The following BAZ2B variants were observed in gnomAD, a reference collection of about 807,000 sequenced individuals.
BAZ2B encodes bromodomain adjacent to zinc finger domain 2B, also known as bromodomain adjacent to zinc finger domain protein 2B.
In BAZ2B, 91 loss-of-function variants were observed where a neutral mutation model predicts 246.0. The observed-to-expected ratio is 0.37, with a 90% CI of 0.31 to 0.44. The LOEUF is 0.44. Among genes scored for constraint, BAZ2B ranks in the 20% least tolerant of loss-of-function variants. BAZ2B has a pLI of 1.00. For synonymous variants in BAZ2B, 855 were observed against 860.0 expected, an observed-to-expected ratio of 0.99 and a Z score of 0.10; for missense variants, 2,332 against 2,533.7, an observed-to-expected ratio of 0.92 and a Z score of 1.71.
At chr2:159,681,900 G>A in the BAZ2B span, among the ~76,000 whole-genome samples, 1 of 152,124 alleles carries the variant, frequency 6.6e-6, no homozygotes, top group South Asian at 2.1e-4. Flanking sequence ...ACTCCTGCCT[G>A]GGCAACAGAG....
In BAZ2B at chr2:159,523,790, A is replaced by T. The variant is rs143257771; in HGVS notation, c.-3+32033T>A. ...GTACATTAAAGTTTAGGAAGCCCTG[A>T]TCTAGTACCTAACAATTTATACACC... On this transcript the variant is annotated intron_variant, in intron 2 of 36. Transcript: ENST00000392783. Among the ~76,000 whole-genome samples, 206 of 152,316 alleles carry T rather than the reference A, an allele frequency of 1.4e-3. 1 individual carries two copies. In the Middle Eastern group the frequency reaches 0.014, roughly 10 times the overall value.
chr2:159,337,728 T>C lies in BAZ2B; in HGVS notation c.5499A>G (p.Val1833=). 6.2e-7 allele frequency: 1 copy of C among 1,614,194 alleles called. No individual in the cohort carries two copies. The highest frequency in any genetic ancestry group is 1.1e-5 in the South Asian group (1 of 91,086). Residue 1833 remains valine (V), a synonymous_variant, in exon 32 of 37, where the codon GTA becomes GTG. Transcript: ENST00000392783. ...PEPASEREDL[V]YFEHKSFTKL... ...TAGTAAATGATTTATGTTCAAAATA[T>C]ACCAAGTCCTCCCTTTCTGATGCAG...
At chr2:159,514,352 T>C (rs2083232088) in intron 2 of BAZ2B, among the ~76,000 whole-genome samples, 1 of 152,150 alleles carries the variant, frequency 6.6e-6, no homozygotes, top group Admixed American at 6.5e-5. Context: ...TGACCTATAT[T>C]TTATCAGTTA....
chr2:159,423,176 C>T (rs907423389), intron 13 of BAZ2B, among the ~76,000 whole-genome samples: 1 of 151,876 alleles, frequency 6.6e-6, no homozygotes. Context: ...ATTAGCTGGG[C>T]GCGGTGGCAG....
At chr2:159,579,188 A>G (rs1686100905) in intron 1 of BAZ2B, among the ~76,000 whole-genome samples, 1 of 150,744 alleles carries the variant, frequency 6.6e-6, no homozygotes, top group Admixed American at 6.6e-5. Context: ...AAGACTAATA[A>G]AGAAGAAAAG....
chr2:159,581,229 A>C (rs1209305349), intron 1 of BAZ2B, among the ~76,000 whole-genome samples: 1 of 152,054 alleles, frequency 6.6e-6, no homozygotes, highest in Non-Finnish European at 1.5e-5. Context: ...AAGAAAAAAA[A>C]AATCAAACCA....
intron 2 of BAZ2B, among the ~76,000 whole-genome samples, chr2:159,544,807 C>G (rs1302400377): frequency 6.6e-6 from 1 of 152,120 alleles, no homozygotes; most frequent in African/African-American, 2.4e-5. Flanking sequence ...ACAAAATCGT[C>G]AGTATATTTG....
At chr2:159,451,232 T>C (rs2075052887) in intron 4 of BAZ2B, among the ~76,000 whole-genome samples, 1 of 152,088 alleles carries the variant, frequency 6.6e-6, no homozygotes, top group East Asian at 1.9e-4. Flanking sequence ...AAATACTATT[T>C]CAATATAAAA....
the BAZ2B span, among the ~76,000 whole-genome samples, chr2:159,708,516 T>C: frequency 1.3e-5 from 2 of 152,118 alleles, no homozygotes; most frequent in South Asian, 2.1e-4. Flanking sequence ...GGTTTCAAGA[T>C]GGTATTCTCT....
At chr2:159,348,461 T>C (rs1322195311) in intron 30 of BAZ2B, among the ~76,000 whole-genome samples, 2 of 151,960 alleles carry the variant, frequency 1.3e-5, no homozygotes, top group African/African-American at 2.4e-5. Flanking sequence ...TTATACTATA[T>C]ATTATTTAGG....
chr2:159,423,708 C>T (rs1576857471), intron 13 of BAZ2B, among the ~76,000 whole-genome samples: 1 of 152,194 alleles, frequency 6.6e-6, no homozygotes, highest in Non-Finnish European at 1.5e-5. Flanking sequence ...ATATCTTATC[C>T]TTTGTAACAA....
At chr2:159,450,892 ACCATG>A (rs887322313) in intron 4 of BAZ2B, among the ~76,000 whole-genome samples, 5 of 152,044 alleles carry the variant, frequency 3.3e-5, no homozygotes, top group African/African-American at 1.2e-4. Context: ...GGCATGCACA[ACCATG>A]CCTGGCTAAT....
At chr2:159,581,190 G>C (rs1175975205) in intron 1 of BAZ2B, among the ~76,000 whole-genome samples, 1 of 151,722 alleles carries the variant, frequency 6.6e-6, no homozygotes, top group Non-Finnish European at 1.5e-5. Context: ...CTAATATCCA[G>C]AATCTACAAA....
chr2:159,412,799 T>C (rs1158919584), intron 13 of BAZ2B, among the ~76,000 whole-genome samples: 2 of 152,182 alleles, frequency 1.3e-5, no homozygotes, highest in East Asian at 1.9e-4. Context: ...TCTATAAATG[T>C]AGAGATATAA....
chr2:159,416,255 G>A (rs1278289060), intron 13 of BAZ2B, among the ~76,000 whole-genome samples: 2 of 152,068 alleles, frequency 1.3e-5, no homozygotes, highest in African/African-American at 4.8e-5. Context: ...AATTAATTCT[G>A]AGGAAAATGA....
intron 27 of BAZ2B, among the ~76,000 whole-genome samples, chr2:159,364,180 A>T (rs530843807): frequency 6.6e-6 from 1 of 152,280 alleles, no homozygotes; most frequent in South Asian, 2.1e-4. Flanking sequence ...AGAGCCTCCA[A>T]TATTTACGGG....
At chr2:159,441,907 C>T (rs1411911323) in intron 6 of BAZ2B, among the ~76,000 whole-genome samples, 1 of 152,182 alleles carries the variant, frequency 6.6e-6, no homozygotes, top group African/African-American at 2.4e-5. Context: ...ATCCTTGAAC[C>T]TTCATTTCAC....
At chr2:159,428,733 A>C (rs180766477) in intron 11 of BAZ2B, among the ~76,000 whole-genome samples, 8 of 152,252 alleles carry the variant, frequency 5.3e-5, no homozygotes, top group African/African-American at 1.9e-4. Flanking sequence ...GAAAAGCTTT[A>C]AGGGAGGAGT....
At chr2:159,490,848 C>A (rs2080376696) in intron 2 of BAZ2B, among the ~76,000 whole-genome samples, 2 of 152,138 alleles carry the variant, frequency 1.3e-5, no homozygotes, top group Non-Finnish European at 2.9e-5. Context: ...ACCTCTGGAG[C>A]TCCAGCATGC....
Sources: gnomAD v4.1 joint callset for allele counts (sites outside exome capture counted in the v4.1 genomes callset) on GRCh38, gnomAD v4.1.1 for gene constraint, MANE v1.5 for transcripts, NCBI Gene and HGNC (gene_info 2026-07-23, HGNC 2026-07-21) for gene names.